Variants in NMNAT3 observed in about 807,000 individuals in gnomAD.
NMNAT3 encodes the protein nicotinamide nucleotide adenylyltransferase 3, also known as nicotinamide/nicotinic acid mononucleotide adenylyltransferase 3.
Under a neutral mutation model 24.8 loss-of-function variants are expected in NMNAT3, and 21 were observed. The observed-to-expected ratio is 0.85, with a 90% CI of 0.60 to 1.22. The LOEUF is 1.22. Ranked by LOEUF, NMNAT3 falls within the 50% of genes most tolerant of loss-of-function variation. The probability of loss-of-function intolerance (pLI) is 0.00; values close to 1 mark genes in which losing one functional copy is unlikely to be tolerated. For synonymous variants in NMNAT3, 136 were observed against 155.2 expected, an observed-to-expected ratio of 0.88 and a Z score of 0.92; for missense variants, 387 against 436.6, an observed-to-expected ratio of 0.89 and a Z score of 1.01.
intron 2 of NMNAT3, chr3:139,636,241 A>G (rs2056495786): frequency 6.6e-6 from 1 of 152,218 alleles, no homozygotes; most frequent in South Asian, 2.1e-4. Context: ...AAAAGTATGT[A>G]AACTTTTAGA....
At chr3:139,643,391 T>C (rs528783074) in intron 1 of NMNAT3, among the ~76,000 whole-genome samples, 31 of 152,280 alleles carry the variant, frequency 2.0e-4, no homozygotes, top group African/African-American at 7.0e-4. Context: ...AAAACAGTGA[T>C]ACAAACAGAT....
chr3:139,613,562 T>G (rs2055332804), intron 3 of NMNAT3, among the ~76,000 whole-genome samples: 1 of 152,196 alleles, frequency 6.6e-6, no homozygotes, highest in African/African-American at 2.4e-5. Flanking sequence ...TCAACCATTG[T>G]GGAAGTCAGT....
At chr3:139,640,976 C>T (rs1377158688) in intron 1 of NMNAT3, among the ~76,000 whole-genome samples, 1 of 152,186 alleles carries the variant, frequency 6.6e-6, no homozygotes, top group African/African-American at 2.4e-5. Flanking sequence ...TGCATAATCG[C>T]TATTGTGTTG....
intron 3 of NMNAT3, among the ~76,000 whole-genome samples, chr3:139,597,649 A>G (rs997271320): frequency 1.3e-5 from 2 of 152,212 alleles, no homozygotes; most frequent in Admixed American, 1.3e-4. Context: ...TCACTCTGCC[A>G]TTATAGTATT....
chr3:139,596,697 A>G (rs2054475515), intron 3 of NMNAT3, among the ~76,000 whole-genome samples: 1 of 151,738 alleles, frequency 6.6e-6, no homozygotes, highest in Admixed American at 6.6e-5. Context: ...AAAAATATCC[A>G]CCCATTGGCA....
chr3:139,573,741 G>T, intron 5 of NMNAT3, 61 bp from the exon 6 acceptor site: 2 of 932,590 alleles, frequency 2.1e-6, no homozygotes, highest in South Asian at 1.9e-5. Flanking sequence ...AGCCACCCAG[G>T]GATTTTCAGA....
chr3:139,669,039 C>A (rs1343745744), intron 1 of NMNAT3, among the ~76,000 whole-genome samples: 2 of 152,256 alleles, frequency 1.3e-5, no homozygotes, highest in Non-Finnish European at 2.9e-5. Flanking sequence ...TAAATCATTT[C>A]TTGGAGTATG....
intron 1 of NMNAT3, among the ~76,000 whole-genome samples, chr3:139,677,158 G>C (rs2057957459): frequency 6.6e-6 from 1 of 152,150 alleles, no homozygotes; most frequent in Non-Finnish European, 1.5e-5. Flanking sequence ...TTGTAGCTGG[G>C]GGCCCTGATA....
intron 5 of NMNAT3, chr3:139,576,027 G>A (rs993448164): frequency 9.3e-6 from 12 of 1,288,764 alleles, no homozygotes. Context: ...GATCATGTCT[G>A]CAAAGAACAA....
chr3:139,645,637 C>T (rs1051332555), intron 1 of NMNAT3, among the ~76,000 whole-genome samples: 2 of 152,196 alleles, frequency 1.3e-5, no homozygotes, highest in African/African-American at 2.4e-5. Context: ...AGGGAACCTA[C>T]CTGCTGAGTC....
At chr3:139,629,496 T>G (rs1014927695) in intron 2 of NMNAT3, among the ~76,000 whole-genome samples, 2 of 152,236 alleles carry the variant, frequency 1.3e-5, no homozygotes, top group African/African-American at 4.8e-5. Context: ...TACATTTTGA[T>G]GTAATTGGTT....
chr3:139,638,048 G>A lies in NMNAT3; in HGVS notation c.-126C>T, dbSNP rs945157308. 3 of 152,156 alleles carry A rather than the reference G, an allele frequency of 2.0e-5. No individual in the cohort carries two copies. The highest frequency in any genetic ancestry group is 4.4e-5 in the Non-Finnish European group (3 of 68,046). The allele number at this position is 152,156 out of a possible 1,614,324, so 9.4% of individuals were successfully genotyped here. A position where few individuals can be genotyped will look rare whatever the true frequency, so the allele number is the denominator to read the frequency against. On this transcript the variant is annotated 5_prime_UTR_variant, in exon 2 of 7. Transcript: ENST00000643695. Reference sequence around the variant, plus strand: ...GCAGTCCGCTTCATGGCAGGATCTAGGCTGAAGCAGGTAGCTGTGGAAGAA... The same window carrying A: ...GCAGTCCGCTTCATGGCAGGATCTAAGCTGAAGCAGGTAGCTGTGGAAGAA...
intron 2 of NMNAT3, among the ~76,000 whole-genome samples, chr3:139,630,477 C>G (rs143825252): frequency 6.6e-6 from 1 of 152,186 alleles, no homozygotes; most frequent in African/African-American, 2.4e-5. Flanking sequence ...AAACCACAAG[C>G]GACATTTTAT....
intron 6 of NMNAT3, chr3:139,568,373 G>T (rs1937556357): frequency 6.6e-6 from 1 of 151,896 alleles, no homozygotes; most frequent in Non-Finnish European, 1.5e-5. Flanking sequence ...GTTATTTCTT[G>T]CCTTCTGCTA....
At chr3:139,631,175 T>C (rs945424085) in intron 2 of NMNAT3, among the ~76,000 whole-genome samples, 8 of 152,154 alleles carry the variant, frequency 5.3e-5, no homozygotes, top group African/African-American at 1.9e-4. Flanking sequence ...GTGACTGTGC[T>C]ATGTCTGGGC....
intron 3 of NMNAT3, among the ~76,000 whole-genome samples, chr3:139,622,770 TC>T (rs531556344): frequency 7.2e-6 from 1 of 138,612 alleles, no homozygotes; most frequent in Non-Finnish European, 1.6e-5. Context: ...ATCATATATA[TC>T]ATATATATGA....
chr3:139,614,396 C>T (rs2055384549), intron 3 of NMNAT3, among the ~76,000 whole-genome samples: 1 of 152,152 alleles, frequency 6.6e-6, no homozygotes, highest in Admixed American at 6.5e-5. Flanking sequence ...TGGGACTTGC[C>T]CATTGAGGAG....
At chr3:139,610,850 GGTA>G (rs1256451269) in intron 3 of NMNAT3, among the ~76,000 whole-genome samples, 7 of 152,100 alleles carry the variant, frequency 4.6e-5, no homozygotes, top group Admixed American at 1.3e-4. Flanking sequence ...AAATCACCAA[GGTA>G]GCAAAAGTGA....
intron 5 of NMNAT3, among the ~76,000 whole-genome samples, chr3:139,576,626 A>G (rs1413177542): frequency 7.2e-5 from 11 of 152,314 alleles, no homozygotes; most frequent in Middle Eastern, 6.8e-3. Flanking sequence ...GCCATATATT[A>G]GAATCACCAG....
Sources: gnomAD v4.1 joint callset for allele counts (sites outside exome capture counted in the v4.1 genomes callset) on GRCh38, gnomAD v4.1.1 for gene constraint, MANE v1.5 for transcripts, NCBI Gene and HGNC (gene_info 2026-07-23, HGNC 2026-07-21) for gene names.